Variants in TRHDE observed in about 807,000 individuals in gnomAD.
TRHDE encodes thyrotropin releasing hormone degrading enzyme.
In TRHDE, 72 loss-of-function variants were observed where a neutral mutation model predicts 125.7. The observed-to-expected ratio is 0.57, with a 90% CI of 0.47 to 0.70. The LOEUF (loss-of-function observed/expected upper bound fraction) is 0.70, where lower values mean the gene tolerates loss of function less well. Ranked by LOEUF, TRHDE falls within the 30% of genes least tolerant of loss-of-function variation. TRHDE has a pLI of 0.00. For synonymous variants in TRHDE, 509 were observed against 509.1 expected (o/e 1.00, Z 0.00); for missense variants, 1,110 against 1,327.1 (o/e 0.84, Z 2.54).
chr12:72,149,440 A>C (rs887119067), intron 2 of TRHDE, among the ~76,000 whole-genome samples: 6 of 152,212 alleles, frequency 3.9e-5, no homozygotes, highest in African/African-American at 1.4e-4. Context: ...AAGCCAATAT[A>C]GTTTCAAATA....
chr12:72,562,952 A>G lies in TRHDE; in HGVS notation c.1954A>G (p.Thr652Ala). ...YPVITILGNT[T>A]AENRIIITQQ... ...TGTTATCACCATCTTGGGAAACACAACAGCAGAAAATAGAATAATAATTAC... is the reference window on the plus strand; with the variant it reads ...TGTTATCACCATCTTGGGAAACACAGCAGCAGAAAATAGAATAATAATTAC... The change falls in exon 9 of 19, where the codon ACA becomes GCA. Residue 652 changes from threonine to alanine, a missense_variant. Around this residue, in one of 5 missense-constraint regions of TRHDE, gnomAD observed 527 missense variants for 651.8 expected, o/e 0.81. Transcript: ENST00000261180. The G allele has an allele frequency of 6.2e-7, 1 of 1,611,060 alleles. No individual in the cohort carries two copies. The highest frequency in any genetic ancestry group is 8.5e-7 in the Non-Finnish European group (1 of 1,178,394).
chr12:72,460,189 A>G (rs1363980272), intron 3 of TRHDE, among the ~76,000 whole-genome samples: 2 of 152,228 alleles, frequency 1.3e-5, no homozygotes, highest in East Asian at 1.9e-4. Context: ...ACAGAAATGT[A>G]AGAGACCCTT....
intron 2 of TRHDE, among the ~76,000 whole-genome samples, chr12:72,327,543 AT>A (rs1319068519): frequency 6.6e-6 from 1 of 152,156 alleles, no homozygotes; most frequent in Non-Finnish European, 1.5e-5. Context: ...GTAGAGATTT[AT>A]TTTCAGAATT....
At chr12:72,461,663 G>C (rs1158909239) in intron 3 of TRHDE, among the ~76,000 whole-genome samples, 1 of 151,312 alleles carries the variant, frequency 6.6e-6, no homozygotes, top group Non-Finnish European at 1.5e-5. Context: ...AGTGTCCCTG[G>C]ATGATAATAT....
At chr12:72,528,078 C>T (rs1329240421) in intron 6 of TRHDE, among the ~76,000 whole-genome samples, 1 of 152,124 alleles carries the variant, frequency 6.6e-6, no homozygotes, top group East Asian at 1.9e-4. Context: ...CAGCCAATTC[C>T]AGCCATGCTT....
chr12:72,133,186 G>T lies in TRHDE; in HGVS notation n.279+27434G>T, dbSNP rs546059857. On this transcript the variant is annotated intron_variant and non_coding_transcript_variant, in intron 2 of 4. Transcript: ENST00000548156. ...AAATAGCTATTGACAATTTAAAGAT[G>T]AATTAAAGAAATAAGAGTTTGAAAG... 7.2e-5 allele frequency among the ~76,000 whole-genome samples: 11 copies of T among 152,286 alleles called. No individual in the cohort carries two copies. In the East Asian group the frequency reaches 2.1e-3, roughly 29 times the overall value.
intron 6 of TRHDE, among the ~76,000 whole-genome samples, chr12:72,505,449 A>T (rs754853836): frequency 1.3e-5 from 2 of 152,176 alleles, no homozygotes; most frequent in African/African-American, 2.4e-5. Context: ...CCAATGACCT[A>T]GATGATGAAA....
intron 2 of TRHDE, among the ~76,000 whole-genome samples, chr12:72,174,051 G>C (rs1173528472): frequency 6.6e-6 from 1 of 152,092 alleles, no homozygotes; most frequent in East Asian, 1.9e-4. Flanking sequence ...ACTTGCCTTG[G>C]ACACAGAATA....
chr12:72,613,989 A>C (rs1872718969), intron 12 of TRHDE, among the ~76,000 whole-genome samples: 10 of 152,076 alleles, frequency 6.6e-5, no homozygotes, highest in Admixed American at 6.6e-4. Context: ...TTGAAAGCGA[A>C]GTAGGAGCAG....
chr12:72,235,302 C>T (rs1450386958), intron 2 of TRHDE, among the ~76,000 whole-genome samples: 1 of 152,090 alleles, frequency 6.6e-6, no homozygotes, highest in Non-Finnish European at 1.5e-5. Flanking sequence ...CGGCACTGTT[C>T]TAAGAACTTT....
chr12:72,660,744 T>G (rs969975101), intron 18 of TRHDE, among the ~76,000 whole-genome samples: 2 of 152,222 alleles, frequency 1.3e-5, no homozygotes, highest in African/African-American at 4.8e-5. Context: ...TTTTCTTTAT[T>G]ACACTGCTAC....
chr12:72,634,917 T>C (rs1338756297), intron 15 of TRHDE, among the ~76,000 whole-genome samples: 2 of 152,136 alleles, frequency 1.3e-5, no homozygotes, highest in African/African-American at 4.8e-5. Context: ...GACCTTTGGG[T>C]TGGTTCCAAG....
chr12:72,515,834 G>A (rs900331143), intron 6 of TRHDE, among the ~76,000 whole-genome samples: 17 of 151,362 alleles, frequency 1.1e-4, no homozygotes, highest in Admixed American at 5.3e-4. Context: ...TGTAAGGAAG[G>A]GATCCAGTTT....
chr12:72,330,491 C>T (rs1407771371), intron 2 of TRHDE, among the ~76,000 whole-genome samples: 1 of 152,258 alleles, frequency 6.6e-6, no homozygotes, highest in Middle Eastern at 3.4e-3. Context: ...ACTCTCACGG[C>T]GATGGGAGAG....
At chr12:72,331,558 C>T (rs1869599009) in intron 2 of TRHDE, among the ~76,000 whole-genome samples, 1 of 152,182 alleles carries the variant, frequency 6.6e-6, no homozygotes, top group Non-Finnish European at 1.5e-5. Context: ...AGATACAGAC[C>T]TCCTGGGAAG....
At chr12:72,210,141 A>G (rs1877745433) in intron 2 of TRHDE, among the ~76,000 whole-genome samples, 1 of 151,670 alleles carries the variant, frequency 6.6e-6, no homozygotes, top group African/African-American at 2.4e-5. Flanking sequence ...TAATATCTAG[A>G]ACCACAATGA....
intron 3 of TRHDE, among the ~76,000 whole-genome samples, chr12:72,447,324 CAA>C (rs1875342321): frequency 6.6e-6 from 1 of 152,070 alleles, no homozygotes; most frequent in South Asian, 2.1e-4. Context: ...CCAATGAGAA[CAA>C]AGACACAACA....
intron 7 of TRHDE, among the ~76,000 whole-genome samples, chr12:72,560,166 C>T (rs927517049): frequency 2.0e-4 from 31 of 152,058 alleles, no homozygotes; most frequent in Non-Finnish European, 4.3e-4. Context: ...ATTCCAATAA[C>T]GTCTGAATAT....
chr12:72,146,667 T>C (rs1427444919), intron 2 of TRHDE, among the ~76,000 whole-genome samples: 3 of 152,198 alleles, frequency 2.0e-5, no homozygotes, highest in Admixed American at 6.5e-5. Context: ...TCCACGGTAG[T>C]GTCTAGGGCT....
Sources: gnomAD v4.1 joint callset for allele counts (sites outside exome capture counted in the v4.1 genomes callset) on GRCh38, gnomAD v4.1.1 for gene constraint, gnomAD v4.1.1 regional missense constraint, MANE v1.5 for transcripts, NCBI Gene and HGNC (gene_info 2026-07-23, HGNC 2026-07-21) for gene names.